Variants in SNTG1 observed in about 807,000 individuals in gnomAD.
SNTG1 encodes the protein syntrophin gamma 1, also known as gamma-1-syntrophin.
In SNTG1, 39 loss-of-function variants were observed where a neutral mutation model predicts 74.7. The observed-to-expected ratio is 0.52, with a 90% CI of 0.40 to 0.68. SNTG1 has a LOEUF of 0.68. Ranked by LOEUF, SNTG1 falls within the 30% of genes least tolerant of loss-of-function variation. SNTG1 has a pLI of 0.00. For synonymous variants in SNTG1, 254 were observed against 217.1 expected (o/e 1.17, Z -1.49); for missense variants, 685 against 609.5 (o/e 1.12, Z -1.30).
chr8:49,934,311 CTAT>C (rs1807860096), intron 1 of SNTG1, among the ~76,000 whole-genome samples: 1 of 151,786 alleles, frequency 6.6e-6, no homozygotes, highest in Non-Finnish European at 1.5e-5. Flanking sequence ...ATCTATCTAT[CTAT>C]CTATCTATCT....
At chr8:50,520,674 C>T (rs2094172349) in intron 9 of SNTG1, among the ~76,000 whole-genome samples, 1 of 152,166 alleles carries the variant, frequency 6.6e-6, no homozygotes, top group African/African-American at 2.4e-5. Context: ...TGAAAAAATA[C>T]TCATCATCAC....
intron 9 of SNTG1, among the ~76,000 whole-genome samples, chr8:50,522,820 G>T (rs310573): frequency 0.28 from 41,842 of 151,940 alleles, 7,368 homozygotes; most frequent in African/African-American, 0.5. Context: ...CTTGTGATCT[G>T]CCTGCCTCAG....
chr8:50,581,543 A>G (rs2094609850), intron 12 of SNTG1, among the ~76,000 whole-genome samples: 1 of 152,184 alleles, frequency 6.6e-6, no homozygotes, highest in African/African-American at 2.4e-5. Flanking sequence ...CAAATCTTGT[A>G]TGCATGGTAT....
intron 15 of SNTG1, among the ~76,000 whole-genome samples, chr8:50,698,785 A>G (rs1432844447): frequency 1.3e-5 from 2 of 152,104 alleles, no homozygotes; most frequent in African/African-American, 4.8e-5. Flanking sequence ...CCACATCCCA[A>G]GGTAGATCTA....
chr8:50,059,578 A>G (rs971474622), intron 1 of SNTG1, among the ~76,000 whole-genome samples: 3 of 152,126 alleles, frequency 2.0e-5, no homozygotes, highest in African/African-American at 7.2e-5. Flanking sequence ...AACAATTCAT[A>G]TAAATGGAAT....
At chr8:50,297,955 T>A in intron 2 of SNTG1, among the ~76,000 whole-genome samples, 1 of 151,778 alleles carries the variant, frequency 6.6e-6, no homozygotes, top group East Asian at 1.9e-4. Flanking sequence ...AGTAAAATAT[T>A]GTTTTTGTTG....
intron 1 of SNTG1, among the ~76,000 whole-genome samples, chr8:49,979,395 G>A (rs1585748108): frequency 6.6e-6 from 1 of 152,212 alleles, no homozygotes; most frequent in East Asian, 1.9e-4. Context: ...GCTTTTGTAT[G>A]TCCTGTCTCC....
intron 2 of SNTG1, 109 bp downstream of exon 2, chr8:50,172,744 T>C (rs1205566467): frequency 6.7e-6 from 1 of 149,250 alleles, no homozygotes; most frequent in Non-Finnish European, 1.5e-5. Context: ...ATTAATCTTT[T>C]TGAAGCTTCT....
At position 50,010,181 on chromosome 8, in the gene SNTG1, G is replaced by A. The variant is rs1462881102; in HGVS notation, c.-103+97950G>A. ...AGTAGTCTCCTCTAATACTAGTTTG[G>A]GATTGTGTCCACTCAATATCAACAT... is the stretch of plus-strand genomic sequence containing the variant. On this transcript the variant is annotated intron_variant, in intron 1 of 18. Transcript: ENST00000642720. Among the ~76,000 whole-genome samples the A allele has an allele frequency of 2.6e-5, 4 of 151,852 alleles. No homozygotes were observed. The East Asian group carries it at 7.7e-4, about 29-fold the overall frequency.
chr8:50,308,092 T>G (rs2089971326), intron 2 of SNTG1, among the ~76,000 whole-genome samples: 2 of 151,862 alleles, frequency 1.3e-5, no homozygotes, highest in Admixed American at 6.6e-5. Flanking sequence ...ATGCTGCAAT[T>G]GCTTCCATTG....
chr8:50,376,034 AT>A (rs2092371942), intron 2 of SNTG1, among the ~76,000 whole-genome samples: 1 of 84,910 alleles, frequency 1.2e-5, no homozygotes, highest in Non-Finnish European at 2.5e-5. Context: ...GTCTAAAGAT[AT>A]TTCCAGTGGG....
At chr8:49,948,054 C>T (rs1809365633) in intron 1 of SNTG1, among the ~76,000 whole-genome samples, 1 of 152,164 alleles carries the variant, frequency 6.6e-6, no homozygotes, top group South Asian at 2.1e-4. Flanking sequence ...TTGCTTGAGC[C>T]TGGGAAGCAG....
chr8:50,660,032 G>A (rs575998894), intron 15 of SNTG1, among the ~76,000 whole-genome samples: 1 of 152,114 alleles, frequency 6.6e-6, no homozygotes, highest in African/African-American at 2.4e-5. Context: ...TAGAGACAGG[G>A]TTTCCCCATG....
chr8:50,453,267 T>C (rs771746016), intron 8 of SNTG1, among the ~76,000 whole-genome samples: 1 of 152,140 alleles, frequency 6.6e-6, no homozygotes, highest in South Asian at 2.1e-4. Context: ...CTCAGTAGAT[T>C]TGTGGATGGG....
At chr8:50,509,541 C>G (rs1404685317) in intron 9 of SNTG1, among the ~76,000 whole-genome samples, 1 of 152,100 alleles carries the variant, frequency 6.6e-6, no homozygotes, top group East Asian at 1.9e-4. Context: ...ATTCTTCCTA[C>G]CCATGAGCAT....
intron 2 of SNTG1, among the ~76,000 whole-genome samples, chr8:50,260,549 G>T (rs533602725): frequency 5.8e-4 from 88 of 150,604 alleles, no homozygotes; most frequent in Admixed American, 1.3e-3. Context: ...ACACTACACA[G>T]TATTCTAAAA....
chr8:50,112,027 C>T (rs2080613199), intron 1 of SNTG1, among the ~76,000 whole-genome samples: 1 of 151,920 alleles, frequency 6.6e-6, no homozygotes, highest in Non-Finnish European at 1.5e-5. Flanking sequence ...TTTTATCAAA[C>T]TTGAAAATTT....
intron 1 of SNTG1, among the ~76,000 whole-genome samples, chr8:50,098,551 G>T (rs2080013381): frequency 6.6e-6 from 1 of 152,072 alleles, no homozygotes; most frequent in Non-Finnish European, 1.5e-5. Context: ...TAGATCAATG[G>T]CTTGAACATC....
At chr8:50,308,981 A>C (rs1018989889) in intron 2 of SNTG1, among the ~76,000 whole-genome samples, 3 of 152,170 alleles carry the variant, frequency 2.0e-5, no homozygotes, top group Non-Finnish European at 4.4e-5. Flanking sequence ...CTACACATCA[A>C]AGATGACTTT....
Sources: allele counts gnomAD v4.1 joint callset (sites outside exome capture counted in the v4.1 genomes callset), GRCh38; gene constraint gnomAD v4.1.1; transcripts MANE v1.5; gene names NCBI Gene and HGNC (gene_info 2026-07-23, HGNC 2026-07-21).